STK3: variants seen among roughly 807,000 people sequenced by gnomAD.
STK3 encodes serine/threonine-protein kinase 3.
In STK3, 41 loss-of-function variants were observed where a neutral mutation model predicts 58.0. The observed-to-expected ratio is 0.71, with a 90% CI of 0.55 to 0.92. The LOEUF (loss-of-function observed/expected upper bound fraction) is 0.92, where lower values mean the gene tolerates loss of function less well. STK3 is among the 40% of genes least tolerant of loss of function. STK3 has a pLI of 0.00. For missense variants in STK3, 479 were observed against 602.7 expected (o/e 0.79, Z 2.15); for synonymous variants, 170 against 191.0 (o/e 0.89, Z 0.91).
At chr8:98,785,569 G>A (rs1358538389) in intron 1 of STK3, among the ~76,000 whole-genome samples, 1 of 152,146 alleles carries the variant, frequency 6.6e-6, no homozygotes, top group Non-Finnish European at 1.5e-5. Context: ...CCTCAGGGCT[G>A]AGCAGGAAAC....
At chr8:98,544,970 A>G (rs1810581944) in intron 9 of STK3, among the ~76,000 whole-genome samples, 1 of 152,124 alleles carries the variant, frequency 6.6e-6, no homozygotes, top group South Asian at 2.1e-4. Flanking sequence ...GTTCCTCCAT[A>G]AAAACAGAGC....
chr8:98,896,975 A>C (rs56285208), intron 1 of STK3, among the ~76,000 whole-genome samples: 4,672 of 151,594 alleles, frequency 0.031, 105 homozygotes, highest in South Asian at 0.068. Flanking sequence ...ACCCTGTCTC[A>C]AAAATAAAAA....
At chr8:98,440,879 C>T (rs1818669000) in intron 1 of STK3, among the ~76,000 whole-genome samples, 1 of 152,136 alleles carries the variant, frequency 6.6e-6, no homozygotes, top group South Asian at 2.1e-4. Flanking sequence ...TAACATCTAC[C>T]TTAGAGAGAA....
chr8:98,853,117 T>C (rs1836539022), intron 3 of STK3, among the ~76,000 whole-genome samples: 1 of 151,972 alleles, frequency 6.6e-6, no homozygotes, highest in Non-Finnish European at 1.5e-5. Context: ...AATATTAAAT[T>C]AATTTTTCCT....
chr8:98,645,365 A>T (rs1820323479), intron 6 of STK3, among the ~76,000 whole-genome samples: 1 of 152,200 alleles, frequency 6.6e-6, no homozygotes, highest in African/African-American at 2.4e-5. Flanking sequence ...AAAATATGTC[A>T]AACCTGGATC....
rs151318956 is a variant in STK3 at position 98,798,162 on chromosome 8, T to A, written c.27-23343A>T. On this transcript the variant is annotated intron_variant, in intron 1 of 10. Transcript: ENST00000419617. ...TTAATATTAAACCAAACAAGTAATC[T>A]AATGGCTACATTATTCTCCAGGAGT... 3.4e-3 allele frequency among the ~76,000 whole-genome samples: 516 copies of A among 152,288 alleles called. 1 individual carries two copies. Among genetic ancestry groups the A allele is most frequent in the African/African-American group, 0.012 (500 of 41,570 alleles).
At chr8:98,721,332 A>C (rs1051360054) in intron 4 of STK3, among the ~76,000 whole-genome samples, 1 of 152,170 alleles carries the variant, frequency 6.6e-6, no homozygotes, top group African/African-American at 2.4e-5. Context: ...AAAATACATA[A>C]GCTTAGAATA....
chr8:98,567,454 T>C (rs2131664786), intron 8 of STK3, among the ~76,000 whole-genome samples: 1 of 152,148 alleles, frequency 6.6e-6, no homozygotes, highest in East Asian at 1.9e-4. Context: ...TGCCTTGGCC[T>C]CTGAAAGTGC....
At chr8:98,654,657 T>C (rs1054989552) in intron 6 of STK3, among the ~76,000 whole-genome samples, 8 of 152,094 alleles carry the variant, frequency 5.3e-5, no homozygotes, top group Non-Finnish European at 8.8e-5. Context: ...AAAATCAATG[T>C]GCAAAAATCA....
At chr8:98,393,257 A>T (rs1179403038) in intron 3 of STK3, among the ~76,000 whole-genome samples, 5 of 152,082 alleles carry the variant, frequency 3.3e-5, no homozygotes, top group Admixed American at 2.6e-4. Context: ...AGGTCTACAG[A>T]CCAGTACCAG....
intron 1 of STK3, among the ~76,000 whole-genome samples, chr8:98,890,993 T>C (rs1838178472): frequency 6.6e-6 from 1 of 152,256 alleles, no homozygotes; most frequent in African/African-American, 2.4e-5. Context: ...ATGGTCATGA[T>C]GTCCGACTTA....
At chr8:98,722,902 T>C (rs757626763) in intron 4 of STK3, 14 of 508,706 alleles carry the variant, frequency 2.8e-5, no homozygotes, top group South Asian at 2.0e-4. Context: ...AGCTCCAAGA[T>C]GGAAAAGCGT....
chr8:98,410,476 A>G (rs1373513404), intron 3 of STK3, among the ~76,000 whole-genome samples: 1 of 152,208 alleles, frequency 6.6e-6, no homozygotes, highest in Non-Finnish European at 1.5e-5. Flanking sequence ...TTGTTGAATA[A>G]ATGAAGGAAG....
intron 1 of STK3, among the ~76,000 whole-genome samples, chr8:98,439,954 C>T (rs747364801): frequency 5.9e-5 from 9 of 152,194 alleles, no homozygotes; most frequent in Non-Finnish European, 1.3e-4. Context: ...TTGGGCACAA[C>T]ACGGCACCTC....
At chr8:98,372,974 T>C (rs772253281) in intron 2 of STK3, among the ~76,000 whole-genome samples, 11 of 152,206 alleles carry the variant, frequency 7.2e-5, no homozygotes, top group Non-Finnish European at 1.6e-4. Flanking sequence ...ACTCTGGTTA[T>C]AATGGTTGCT....
chr8:98,361,681 C>T, the STK3 span, among the ~76,000 whole-genome samples: 11 of 152,114 alleles, frequency 7.2e-5, no homozygotes, highest in African/African-American at 1.2e-4. Context: ...GTGTTAACAA[C>T]GACAAAGCAG....
intron 4 of STK3, among the ~76,000 whole-genome samples, chr8:98,736,941 T>A (rs1828644133): frequency 6.6e-6 from 1 of 152,186 alleles, no homozygotes; most frequent in African/African-American, 2.4e-5. Context: ...ACTATTAATG[T>A]GGTTAATATA....
At chr8:98,643,454 T>C (rs1820173874) in intron 6 of STK3, among the ~76,000 whole-genome samples, 1 of 152,180 alleles carries the variant, frequency 6.6e-6, no homozygotes, top group South Asian at 2.1e-4. Flanking sequence ...CCCAGATGGC[T>C]CACTCCCTTG....
intron 1 of STK3, chr8:98,778,763 A>G (rs1831891366): frequency 6.6e-6 from 1 of 152,294 alleles, no homozygotes; most frequent in South Asian, 2.1e-4. Context: ...CATCATTCTG[A>G]GCAAACTATC....
Sources: gnomAD v4.1 joint callset for allele counts (sites outside exome capture counted in the v4.1 genomes callset) on GRCh38, gnomAD v4.1.1 for gene constraint, MANE v1.5 for transcripts, NCBI Gene and HGNC (gene_info 2026-07-23, HGNC 2026-07-21) for gene names.